Variants in PKD2 observed in about 807,000 individuals in gnomAD.
PKD2 encodes polycystin-2.
A neutral mutation model predicts 105.9 loss-of-function variants in PKD2; 48 were observed. The observed-to-expected ratio is 0.45, with a 90% CI of 0.36 to 0.58. PKD2 has a LOEUF of 0.58. Among genes scored for constraint, PKD2 ranks in the 20% least tolerant of loss-of-function variants. The pLI is 0.00. For missense variants in PKD2, 1,078 were observed against 1,255.3 expected, an observed-to-expected ratio of 0.86 and a Z score of 2.13; for synonymous variants, 464 against 481.1, an observed-to-expected ratio of 0.96 and a Z score of 0.46.
chr4:88,020,774 C>T (rs544040234), intron 2 of PKD2, among the ~76,000 whole-genome samples: 14 of 151,482 alleles, frequency 9.2e-5, no homozygotes, highest in Non-Finnish European at 1.6e-4. Context: ...ACTGCAGCCT[C>T]GAGCTCCTAG....
Position 88,007,840 on chromosome 4 carries a change from T to G in PKD2, c.107T>G (p.Val36Gly). The change falls in exon 1 of 15, where the codon GTG becomes GGG. Residue 36 changes from valine (V) to glycine (G), a missense_variant. Transcript: ENST00000237596. ...CGGCTGATGGCTGGCTGCGCGGCCG[T>G]GGGCGCCAGCCTCGCCGCCCCGGGC... ...PGRLMAGCAA[V>G]GASLAAPGGL... 8.3e-7 allele frequency: 1 copy of G among 1,205,982 alleles called. No individual in the cohort carries two copies. The highest frequency in any genetic ancestry group is 1.0e-6 in the Non-Finnish European group (1 of 972,888). 74.7% of individuals were successfully genotyped at this position (1,205,982 alleles called of 1,614,324 possible).
chr4:88,035,395 G>A (rs1424168334), intron 2 of PKD2, among the ~76,000 whole-genome samples: 1 of 152,204 alleles, frequency 6.6e-6, no homozygotes, highest in African/African-American at 2.4e-5. Flanking sequence ...CTCAAGTGGT[G>A]ATTAAGGGAA....
In PKD2 at chr4:88,015,034, A is replaced by G. The variant is rs187266003; in HGVS notation, c.596-4424A>G. On this transcript the variant is annotated intron_variant, in intron 1 of 14. Transcript: ENST00000237596. ...TGACTCCAGAGCCCTATGTTGCACC[A>G]TGCCTTGATAATAGGCCATATGGGT... 5.3e-5 allele frequency among the ~76,000 whole-genome samples: 8 copies of G among 152,364 alleles called. No individual in the cohort carries two copies. In the East Asian group the frequency reaches 1.3e-3, roughly 26 times the overall value.
chr4:88,066,554 GT>G (rs1034969351), intron 12 of PKD2, among the ~76,000 whole-genome samples: 1 of 151,852 alleles, frequency 6.6e-6, no homozygotes, highest in African/African-American at 2.4e-5. Context: ...TAGATATGGG[GT>G]TTCACCATGT....
Position 88,038,409 on chromosome 4 carries a change from C to G in PKD2, c.1002C>G (p.Pro334=). ...LRVRNGSCSI[P]QDLRDEIKEC... is the part of the protein sequence containing the mutation. ...TCAGAAATGGATCCTGCTCTATCCC[C>G]CAGGACTTGAGAGATGAAATTAAAG... is the stretch of plus-strand genomic sequence containing the variant. The change falls in exon 4 of 15, where the codon CCC becomes CCG. Residue 334 remains proline, a synonymous_variant. Coordinates refer to ENST00000237596, the MANE Select transcript of PKD2 (RefSeq NM_000297.4). 1 of 1,613,376 alleles carries G rather than the reference C, an allele frequency of 6.2e-7. No individual in the cohort carries two copies. The highest frequency in any genetic ancestry group is 8.5e-7 in the Non-Finnish European group (1 of 1,179,344).
At chr4:88,033,160 C>T (rs796458293) in intron 2 of PKD2, among the ~76,000 whole-genome samples, 12 of 152,084 alleles carry the variant, frequency 7.9e-5, no homozygotes, top group Admixed American at 5.2e-4. Flanking sequence ...GGCGCGGTGG[C>T]TCACGACCGT....
chr4:88,056,360 C>G (rs542821186), intron 8 of PKD2, 93 bp downstream of exon 8: 2 of 754,566 alleles, frequency 2.7e-6, no homozygotes, highest in African/African-American at 3.5e-5. Flanking sequence ...ATATGACCAC[C>G]AATTATTTAA....
intron 10 of PKD2, 75 bp from the exon 11 acceptor site, chr4:88,065,299 T>C: frequency 7.4e-7 from 1 of 1,348,380 alleles, no homozygotes; most frequent in Non-Finnish European, 1.1e-6. Context: ...TAGTTACTAC[T>C]GTGAATGGAA....
intron 10 of PKD2, among the ~76,000 whole-genome samples, chr4:88,063,830 G>A (rs1270571682): frequency 2.6e-5 from 4 of 152,158 alleles, no homozygotes; most frequent in Non-Finnish European, 5.9e-5. Context: ...AGTCTTATTA[G>A]AGATATTTCA....
chr4:88,075,858 A>C lies in PKD2; in HGVS notation c.*164A>C. On this transcript the variant is annotated 3_prime_UTR_variant, in exon 15 of 15. Transcript: ENST00000237596. ...AATTTATTTTATATAAACTTTACCCATGGTTCAAAGATTTTTTTTTCTTTT... is the reference window on the plus strand; with the variant it reads ...AATTTATTTTATATAAACTTTACCCCTGGTTCAAAGATTTTTTTTTCTTTT... 1.5e-6 allele frequency: 1 copy of C among 677,160 alleles called. No homozygotes were observed. 41.9% of individuals were successfully genotyped at this position (677,160 alleles called of 1,614,324 possible).
chr4:88,047,681 A>G (rs1727827791), intron 6 of PKD2, among the ~76,000 whole-genome samples: 1 of 152,136 alleles, frequency 6.6e-6, no homozygotes, highest in African/African-American at 2.4e-5. Flanking sequence ...ATATTCATCA[A>G]AGTTTTCTGT....
Position 88,038,358 on chromosome 4 carries a change from G to C in PKD2, c.951G>C (p.Gly317=). Residue 317 remains glycine, a synonymous_variant, in exon 4 of 15, where the codon GGG becomes GGC. Transcript: ENST00000237596. ...SFIFYENLLL[G]VPRIRQLRVR... ...TCTTCTATGAGAACCTGCTGTTAGG[G>C]GTTCCACGAATACGGCAACTCCGAG... is the stretch of plus-strand genomic sequence containing the variant. 6.2e-7 allele frequency: 1 copy of C among 1,614,034 alleles called. No homozygotes were observed. The highest frequency in any genetic ancestry group is 8.5e-7 in the Non-Finnish European group (1 of 1,179,932).
Position 88,021,894 on chromosome 4 carries a change from A to T in PKD2, c.709+2323A>T, listed in dbSNP as rs140661499. ...GCCTTTCCAGTTCATCCAGCTGTTG[A>T]TTATGTGATTGGAGACACAAGTTTG... On this transcript the variant is annotated intron_variant, in intron 2 of 14. Transcript: ENST00000237596. Among the ~76,000 whole-genome samples, 17 of 152,304 alleles carry T rather than the reference A, an allele frequency of 1.1e-4. No homozygotes were observed. In the South Asian group the frequency reaches 1.4e-3, roughly 13 times the overall value.
At chr4:88,045,722 A>T (rs1270065979) in intron 5 of PKD2, among the ~76,000 whole-genome samples, 1 of 152,224 alleles carries the variant, frequency 6.6e-6, no homozygotes, top group Non-Finnish European at 1.5e-5. Context: ...AGCCATCAGT[A>T]TGGATGTAAA....
rs1726258145 is a variant in PKD2, at chr4:88,008,291, A to T, written c.558A>T (p.Arg186=). The part of the protein sequence containing the change: ...RHLPLEGQPP[R]VAWAERLVRG... ...TCCCCCTGGAAGGGCAGCCGCCCCG[A>T]GTGGCCTGGGCGGAGAGGCTGGTTC... is the stretch of plus-strand genomic sequence containing the variant. The change falls in exon 1 of 15, where the codon CGA becomes CGT. Residue 186 remains arginine, a synonymous_variant. Transcript: ENST00000237596. 6.7e-7 allele frequency: 1 copy of T among 1,482,168 alleles called. No homozygotes were observed. The highest frequency in any genetic ancestry group is 1.5e-5 in the African/African-American group (1 of 68,492). The allele number at this position is 1,482,168 out of a possible 1,614,324, so 91.8% of individuals were successfully genotyped here. A position where few individuals can be genotyped will look rare whatever the true frequency, so the allele number is the denominator to read the frequency against.
At chr4:88,043,601 A>G in intron 5 of PKD2, 144 bp downstream of exon 5, 2 of 627,402 alleles carry the variant, frequency 3.2e-6, no homozygotes, top group Non-Finnish European at 5.7e-6. Flanking sequence ...AGGGGTAAAA[A>G]CTGAAGGCTT....
At chr4:88,067,216 G>A (rs1356054305) in intron 12 of PKD2, among the ~76,000 whole-genome samples, 3 of 152,070 alleles carry the variant, frequency 2.0e-5, no homozygotes, top group Admixed American at 6.5e-5. Context: ...TTGGATTTTG[G>A]GTTTTCAGAT....
At chr4:88,075,385 T>G (rs965270950) in intron 14 of PKD2, 73 bp from the exon 15 acceptor site, 2 of 1,064,400 alleles carry the variant, frequency 1.9e-6, no homozygotes, top group Admixed American at 1.7e-5. Context: ...AAACTACAGA[T>G]TATTTGGTCC....
At chr4:88,051,169 A>G (rs1024518800) in intron 6 of PKD2, among the ~76,000 whole-genome samples, 2 of 152,104 alleles carry the variant, frequency 1.3e-5, no homozygotes, top group Non-Finnish European at 2.9e-5. Context: ...GGAAAGTTGT[A>G]GGGTCATGAG....
Sources: allele counts gnomAD v4.1 joint callset (sites outside exome capture counted in the v4.1 genomes callset), GRCh38; gene constraint gnomAD v4.1.1; transcripts MANE v1.5; gene names NCBI Gene and HGNC (gene_info 2026-07-23, HGNC 2026-07-21).